SORBS2: variants seen among roughly 807,000 people sequenced by gnomAD.
The protein encoded by SORBS2 is sorbin and SH3 domain containing 2, also known as sorbin and SH3 domain-containing protein 2.
In SORBS2, 46 loss-of-function variants were observed where a neutral mutation model predicts 97.7. That is an observed-to-expected ratio of 0.47 (90% CI 0.37 to 0.60). The LOEUF (loss-of-function observed/expected upper bound fraction) is 0.60. Among genes scored for constraint, SORBS2 ranks in the 20% least tolerant of loss-of-function variants. The pLI is 0.00. For synonymous variants in SORBS2, 476 were observed against 473.4 expected (o/e 1.01, Z -0.07); for missense variants, 1,316 against 1,282.3 (o/e 1.03, Z -0.40).
chr4:185,732,579 C>T (rs1055083873), intron 2 of SORBS2, among the ~76,000 whole-genome samples: 1 of 152,212 alleles, frequency 6.6e-6, no homozygotes, highest in African/African-American at 2.4e-5. Context: ...GGGGCCCCTG[C>T]AGAGTGGGTC....
chr4:185,942,651 A>G lies in SORBS2; in HGVS notation c.-338+13545T>C, dbSNP rs554369358. ...GGCATGAGCCACCGCGCATGGCCCC[A>G]TATTTTCTTTACTCTTGCCCCTCAG... is the stretch of plus-strand genomic sequence containing the variant. On this transcript the variant is annotated intron_variant, in intron 1 of 20. Transcript: ENST00000284776. Among the ~76,000 whole-genome samples, 8 of 152,182 alleles carry G rather than the reference A, an allele frequency of 5.3e-5. No individual in the cohort carries two copies. In the East Asian group the frequency reaches 1.4e-3, roughly 26 times the overall value.
intron 2 of SORBS2, among the ~76,000 whole-genome samples, chr4:185,743,052 C>G (rs1016059139): frequency 2.0e-5 from 3 of 152,200 alleles, no homozygotes; most frequent in African/African-American, 7.2e-5. Flanking sequence ...CCTTTACACC[C>G]ATCTGTGAAA....
chr4:185,624,150 C>T lies in SORBS2; in HGVS notation c.979G>A (p.Gly327Arg), dbSNP rs1377337782. Residue 327 changes from glycine to arginine, a missense_variant, in exon 7 of 15, where the codon GGG (glycine) becomes AGG (arginine). Transcript: ENST00000418609. ...CGAACCTCCGGGACGTAGGGGGACC[C>T]CCACGCCATGGGGCAGCTCTCCTTG... 2.5e-6 allele frequency: 4 copies of T among 1,614,240 alleles called. No homozygotes were observed. The highest frequency in any genetic ancestry group is 1.7e-5 in the Admixed American group (1 of 60,024).
At chr4:185,692,432 A>G (rs1341002805) in intron 2 of SORBS2, among the ~76,000 whole-genome samples, 1 of 152,236 alleles carries the variant, frequency 6.6e-6, no homozygotes, top group Admixed American at 6.5e-5. Flanking sequence ...TTAGTCTCTA[A>G]AAAGAGCAGC....
chr4:185,810,638 C>G (rs1438393189), intron 1 of SORBS2: 1 of 152,198 alleles, frequency 6.6e-6, no homozygotes, highest in African/African-American at 2.4e-5. Flanking sequence ...GAACCAGAAT[C>G]TAATCCTTAC....
chr4:185,728,800 C>G (rs920289432), intron 2 of SORBS2, among the ~76,000 whole-genome samples: 1 of 152,242 alleles, frequency 6.6e-6, no homozygotes, highest in Admixed American at 6.5e-5. Context: ...TGGAGCCAGG[C>G]AGACCAGATG....
At chr4:185,601,935 T>C (rs898880339) in intron 12 of SORBS2, among the ~76,000 whole-genome samples, 1 of 152,202 alleles carries the variant, frequency 6.6e-6, no homozygotes, top group Non-Finnish European at 1.5e-5. Flanking sequence ...CGCTGCAACT[T>C]GAGACCACAT....
chr4:185,667,724 T>C (rs2097641709), intron 4 of SORBS2, among the ~76,000 whole-genome samples: 1 of 148,256 alleles, frequency 6.7e-6, no homozygotes, highest in Non-Finnish European at 1.5e-5. Context: ...ATATAATATA[T>C]ATTTTACTGT....
intron 1 of SORBS2, among the ~76,000 whole-genome samples, chr4:185,798,767 C>T (rs1438269650): frequency 6.6e-6 from 1 of 152,150 alleles, no homozygotes; most frequent in Non-Finnish European, 1.5e-5. Flanking sequence ...CTTTCTGCTA[C>T]CCAGAACAGC....
At chr4:185,721,700 T>A (rs2098516072) in intron 2 of SORBS2, among the ~76,000 whole-genome samples, 1 of 152,232 alleles carries the variant, frequency 6.6e-6, no homozygotes, top group Non-Finnish European at 1.5e-5. Context: ...TACCCAGATC[T>A]TTCTGCATAG....
rs1490500397 is a variant in SORBS2 at position 185,623,016 on chromosome 4, A to G, written c.2113T>C (p.Tyr705His). Residue 705 changes from tyrosine (Y) to histidine (H), a missense_variant, in exon 7 of 15, where the codon TAC (tyrosine) becomes CAC (histidine). Coordinates refer to ENST00000418609, the Ensembl canonical transcript of SORBS2. The surrounding 1 kb of genome is among the most constrained non-coding windows in gnomAD (Gnocchi z 6.4). ...GGCATTCTCCCGCAGTCATTCTGGTAGGGTGGACAATGAATAGCACCATCG... is the reference window on the plus strand; with the variant it reads ...GGCATTCTCCCGCAGTCATTCTGGTGGGGTGGACAATGAATAGCACCATCG... 2 of 1,614,148 alleles carry G rather than the reference A, an allele frequency of 1.2e-6. No homozygotes were observed. Among genetic ancestry groups the G allele is most frequent in the African/African-American group, 2.7e-5 (2 of 75,042 alleles).
chr4:185,651,762 C>T (rs751747560), intron 2 of SORBS2, 22 bp downstream of exon 11: 34 of 1,391,748 alleles, frequency 2.4e-5, no homozygotes, highest in African/African-American at 9.9e-5. Flanking sequence ...ATAGTCATTG[C>T]GAGCAAGGAA....
At chr4:185,813,918 G>A (rs1229529046) in intron 1 of SORBS2, among the ~76,000 whole-genome samples, 1 of 152,124 alleles carries the variant, frequency 6.6e-6, no homozygotes, top group East Asian at 1.9e-4. Flanking sequence ...CTCTCTGGAA[G>A]CCAATCTGGT....
chr4:185,770,104 A>T (rs1584509489), intron 2 of SORBS2, among the ~76,000 whole-genome samples: 1 of 150,444 alleles, frequency 6.6e-6, no homozygotes, highest in South Asian at 2.1e-4. Flanking sequence ...TTTGAGACGA[A>T]GTCTCACCCT....
intron 1 of SORBS2, among the ~76,000 whole-genome samples, chr4:185,813,764 C>T (rs1311988896): frequency 6.6e-6 from 1 of 152,220 alleles, no homozygotes; most frequent in African/African-American, 2.4e-5. Context: ...CCACCTCACT[C>T]ATGACTCTCC....
At chr4:185,614,683 T>C in intron 11 of SORBS2, 148 bp downstream of exon 23, 1 of 1,012,014 alleles carries the variant, frequency 9.9e-7, no homozygotes, top group Non-Finnish European at 1.4e-6. Context: ...CTGGGCTGCC[T>C]TAAAGAGTCC....
intron 1 of SORBS2, among the ~76,000 whole-genome samples, chr4:185,829,346 T>G (rs1266906701): frequency 6.6e-6 from 1 of 152,222 alleles, no homozygotes; most frequent in Non-Finnish European, 1.5e-5. Flanking sequence ...TTTTGAACAG[T>G]AGCATAGTAT....
intron 1 of SORBS2, among the ~76,000 whole-genome samples, chr4:185,818,062 A>G (rs976315760): frequency 6.6e-6 from 1 of 152,266 alleles, no homozygotes; most frequent in South Asian, 2.1e-4. Flanking sequence ...AAGGCCTGAC[A>G]GTGACAGCAC....
In SORBS2 at chr4:185,625,563, T is replaced by C. The variant is rs1247627598; in HGVS notation, c.635-1069A>G. On this transcript the variant is annotated intron_variant, in intron 6 of 14. Transcript: ENST00000418609. ...AACATTCCCTGTGATGAAACAAATATCTACATTTATCAGAACCCTTTTAAC... is the reference window on the plus strand; with the variant it reads ...AACATTCCCTGTGATGAAACAAATACCTACATTTATCAGAACCCTTTTAAC... 2.6e-5 allele frequency among the ~76,000 whole-genome samples: 4 copies of C among 152,328 alleles called. No homozygotes were observed. In the East Asian group the frequency reaches 7.7e-4, roughly 29 times the overall value.
Sources: allele counts gnomAD v4.1 joint callset (sites outside exome capture counted in the v4.1 genomes callset), GRCh38; gene constraint gnomAD v4.1.1; non-coding constraint Gnocchi (gnomAD v3.1); transcripts MANE v1.5; gene names NCBI Gene and HGNC (gene_info 2026-07-23, HGNC 2026-07-21).